Variants in CSNK1D observed in about 807,000 individuals in gnomAD.
CSNK1D encodes casein kinase 1 delta.
A neutral mutation model predicts 46.6 loss-of-function variants in CSNK1D; 16 were observed. The observed-to-expected ratio is 0.34, with a 90% confidence interval of 0.23 to 0.52. CSNK1D has a LOEUF of 0.52. Ranked by LOEUF, CSNK1D falls within the 20% of genes least tolerant of loss-of-function variation. The pLI, the probability that CSNK1D is intolerant of heterozygous loss-of-function variation, is 0.95. For missense variants in CSNK1D, 398 were observed against 578.4 expected, an observed-to-expected ratio of 0.69 and a Z score of 3.20; for synonymous variants, 276 against 228.2, an observed-to-expected ratio of 1.21 and a Z score of -1.89.
intron 2 of CSNK1D, among the ~76,000 whole-genome samples, chr17:82,258,263 T>C (rs1276485486): frequency 6.6e-6 from 1 of 150,684 alleles, no homozygotes; most frequent in Non-Finnish European, 1.5e-5. Flanking sequence ...TGTGTATTTA[T>C]GTTTCGGTCT....
At chr17:82,241,847 C>T (rs974183295), downstream of CSNK1D, among the ~76,000 whole-genome samples, 3 of 152,312 alleles carry the variant, frequency 2.0e-5, no homozygotes, top group Non-Finnish European at 2.9e-5. Context: ...GGCATCCCCA[C>T]GGTTGGGGAA....
chr17:82,268,958 A>G (rs566169636), intron 1 of CSNK1D, among the ~76,000 whole-genome samples: 1 of 152,108 alleles, frequency 6.6e-6, no homozygotes, highest in African/African-American at 2.4e-5. Flanking sequence ...TTAGCCAGGC[A>G]TGCTGGTGTG....
chr17:82,258,922 T>C (rs1378159079), intron 2 of CSNK1D, among the ~76,000 whole-genome samples: 1 of 152,230 alleles, frequency 6.6e-6, no homozygotes, highest in East Asian at 1.9e-4. Flanking sequence ...AGTGCTGGTG[T>C]TTGCAGGGCA....
downstream of CSNK1D, among the ~76,000 whole-genome samples, chr17:82,240,393 G>A (rs930378731): frequency 1.3e-5 from 2 of 152,164 alleles, no homozygotes; most frequent in South Asian, 2.1e-4. Context: ...GCCTTCCCCC[G>A]CTGGCACCCC....
Position 82,249,320 on chromosome 17 carries a change from G to T in CSNK1D, c.1057+111C>A. ...CCACCCTCAGGAGCGAGCATCGCCT[G>T]ACACAGGGCACTTAGTGTCCACCAC... On this transcript the variant is annotated intron_variant, in intron 7 of 8. Coordinates refer to ENST00000314028, the MANE Select transcript of CSNK1D (RefSeq NM_001893.6). The surrounding 1 kb of genome is among the most constrained non-coding windows in gnomAD (Gnocchi z 6.7). The T allele has an allele frequency of 8.4e-7, 1 of 1,188,642 alleles. No homozygotes were observed. The highest frequency in any genetic ancestry group is 1.2e-6 in the Non-Finnish European group (1 of 842,636). The allele number at this position is 1,188,642 out of a possible 1,614,324, so 73.6% of individuals were successfully genotyped here. A position where few individuals can be genotyped will look rare whatever the true frequency, so the allele number is the denominator to read the frequency against.
At chr17:82,240,518 G>C (rs982323089), downstream of CSNK1D, among the ~76,000 whole-genome samples, 2 of 152,186 alleles carry the variant, frequency 1.3e-5, no homozygotes, top group African/African-American at 4.8e-5. Flanking sequence ...TACTGGCAGG[G>C]AGGTCATGGG....
intron 1 of CSNK1D, among the ~76,000 whole-genome samples, chr17:82,267,376 T>C (rs1280513134): frequency 1.3e-5 from 2 of 152,118 alleles, no homozygotes; most frequent in African/African-American, 4.8e-5. Flanking sequence ...ACTAGAGCAG[T>C]CTGCTGATAT....
chr17:82,245,028 C>A (rs997622888), intron 8 of CSNK1D, 197 bp from the exon 9 acceptor site: 2 of 697,986 alleles, frequency 2.9e-6, no homozygotes, highest in South Asian at 1.7e-5. Flanking sequence ...GACAGGAAGA[C>A]GGGAAGGAGG....
downstream of CSNK1D, among the ~76,000 whole-genome samples, chr17:82,240,446 C>T (rs1234695088): frequency 2.0e-5 from 3 of 152,204 alleles, no homozygotes; most frequent in Admixed American, 6.5e-5. Context: ...CAGGGGTTGC[C>T]GCCTCTGGAC....
Position 82,244,326 on chromosome 17 carries a change from AC to A in CSNK1D, c.*454del. On this transcript the variant is annotated 3_prime_UTR_variant, in exon 9 of 9. Transcript: ENST00000314028. ...CCTTAGTCAACATTTTTTTTGTAAG[AC>A]TGCAAAAACAGACAAGAAACAATAA... The A allele has an allele frequency of 9.1e-7, 1 of 1,093,804 alleles. No homozygotes were observed. Among genetic ancestry groups the A allele is most frequent in the Middle Eastern group, 4.4e-4 (1 of 2,298 alleles). 67.8% of individuals were successfully genotyped at this position (1,093,804 alleles called of 1,614,324 possible). A position where few individuals can be genotyped will look rare whatever the true frequency, so the allele number is the denominator to read the frequency against.
Position 82,244,621 on chromosome 17 carries a change from T to C in CSNK1D, c.*160A>G. The C allele has an allele frequency of 6.5e-7, 1 of 1,533,878 alleles. No individual in the cohort carries two copies. Among genetic ancestry groups the C allele is most frequent in the Non-Finnish European group, 8.7e-7 (1 of 1,144,960 alleles). On this transcript the variant is annotated 3_prime_UTR_variant, in exon 9 of 9. Transcript: ENST00000314028. ...TGGCAGCTCTTGGAGTCTGTCCGTT[T>C]AGTATGTTTCCCCCACGAGCGTCGC...
In CSNK1D at chr17:82,249,644, G is replaced by T; in HGVS notation, c.886-42C>A. The T allele has an allele frequency of 6.5e-7, 1 of 1,548,566 alleles. No individual in the cohort carries two copies. On this transcript the variant is annotated intron_variant, in intron 6 of 8. Transcript: ENST00000314028. This position sits in a 1 kb window ranked among gnomAD's most constrained non-coding sequence, Gnocchi z 6.7. ...TGAGGCCGGAATGGAACCAGCTTTGGCAGAAAGCAACCCTAGGTCCTAGGC... is the reference window on the plus strand; with the variant it reads ...TGAGGCCGGAATGGAACCAGCTTTGTCAGAAAGCAACCCTAGGTCCTAGGC...
chr17:82,264,258 G>A (rs1196127835), intron 2 of CSNK1D, among the ~76,000 whole-genome samples: 1 of 152,226 alleles, frequency 6.6e-6, no homozygotes, highest in Non-Finnish European at 1.5e-5. Context: ...TTCTCACTGG[G>A]AGGGCTCCAC....
intron 2 of CSNK1D, among the ~76,000 whole-genome samples, chr17:82,256,788 G>A (rs1022592458): frequency 4.6e-5 from 7 of 151,898 alleles, no homozygotes; most frequent in South Asian, 2.1e-4. Context: ...ATGTCTCTTC[G>A]GTATGTTTTC....
At chr17:82,266,198 A>G (rs942942625) in intron 1 of CSNK1D, among the ~76,000 whole-genome samples, 6 of 152,126 alleles carry the variant, frequency 3.9e-5, no homozygotes, top group African/African-American at 1.4e-4. Context: ...GCTGCCTGAT[A>G]GGCCTCCGAG....
chr17:82,273,415 G>C lies in CSNK1D; in HGVS notation c.-34C>G. Reference sequence around the variant, plus strand: ...CGGCCCGATTCGCTCCTGCCCTCCCGGCCGCTTCCTGGGTCTGAACTCTGG... The same window carrying C: ...CGGCCCGATTCGCTCCTGCCCTCCCCGCCGCTTCCTGGGTCTGAACTCTGG... On this transcript the variant is annotated 5_prime_UTR_variant, in exon 1 of 9. Transcript: ENST00000314028. The surrounding 1 kb of genome is among the most constrained non-coding windows in gnomAD (Gnocchi z 5.1). 6.2e-7 allele frequency: 1 copy of C among 1,608,820 alleles called. No individual in the cohort carries two copies. The highest frequency in any genetic ancestry group is 8.5e-7 in the Non-Finnish European group (1 of 1,178,694).
chr17:82,248,042 C>G lies in CSNK1D; in HGVS notation c.1197+833G>C, dbSNP rs2050895721. 1.1e-5 allele frequency: 11 copies of G among 985,430 alleles called. No homozygotes were observed. Among genetic ancestry groups the G allele is most frequent in the Non-Finnish European group, 1.1e-5 (9 of 829,948 alleles). 61.0% of individuals were successfully genotyped at this position (985,430 alleles called of 1,614,324 possible). On this transcript the variant is annotated intron_variant, in intron 8 of 8. Coordinates refer to ENST00000314028, the MANE Select transcript of CSNK1D (RefSeq NM_001893.6). This position sits in a 1 kb window ranked among gnomAD's most constrained non-coding sequence, Gnocchi z 4.1. Reference sequence around the variant, plus strand: ...CCCAACAAACACCTCCCCACAAGCCCAGAGCCAGGCTCCAGGGCATTTCTG... The same window carrying G: ...CCCAACAAACACCTCCCCACAAGCCGAGAGCCAGGCTCCAGGGCATTTCTG...
Position 82,273,607 on chromosome 17 carries a change from T to A in CSNK1D, c.-226A>T. 1 of 576,994 alleles carries A rather than the reference T, an allele frequency of 1.7e-6. No homozygotes were observed. Among genetic ancestry groups the A allele is most frequent in the Non-Finnish European group, 3.0e-6 (1 of 331,778 alleles). 35.7% of individuals were successfully genotyped at this position (576,994 alleles called of 1,614,324 possible). A position where few individuals can be genotyped will look rare whatever the true frequency, so the allele number is the denominator to read the frequency against. ...CCGCCGCTGCTCCGGCCCCTACCGG[T>A]CCCGCTTGCCCTCTCCCCGCCGCGG... On this transcript the variant is annotated 5_prime_UTR_variant, in exon 1 of 9. Transcript: ENST00000314028. This position sits in a 1 kb window ranked among gnomAD's most constrained non-coding sequence, Gnocchi z 5.1.
downstream of CSNK1D, among the ~76,000 whole-genome samples, chr17:82,240,569 T>C (rs1163375873): frequency 6.6e-6 from 1 of 152,058 alleles, no homozygotes; most frequent in Non-Finnish European, 1.5e-5. Flanking sequence ...TGTTTCCAGG[T>C]ATCTCGGGCC....
Sources: gnomAD v4.1 joint callset for allele counts (sites outside exome capture counted in the v4.1 genomes callset) on GRCh38, gnomAD v4.1.1 for gene constraint, Gnocchi (gnomAD v3.1) non-coding constraint, MANE v1.5 for transcripts, NCBI Gene and HGNC (gene_info 2026-07-23, HGNC 2026-07-21) for gene names.